THADA: variants seen among roughly 807,000 people sequenced by gnomAD.
THADA encodes the protein tRNA (32-2'-O)-methyltransferase regulator THADA.
In THADA, 213 loss-of-function variants were observed where a neutral mutation model predicts 219.8. The observed-to-expected ratio is 0.97, with a 90% CI of 0.87 to 1.09. The LOEUF (loss-of-function observed/expected upper bound fraction) is 1.09, where lower values mean the gene tolerates loss of function less well. Among genes scored for constraint, THADA ranks in the 50% least tolerant of loss-of-function variants. The pLI, the probability that THADA is intolerant of heterozygous loss-of-function variation, is 0.00. For missense variants in THADA, 2,956 were observed against 2,311.3 expected, an observed-to-expected ratio of 1.28 and a Z score of -5.72; for synonymous variants, 1,018 against 828.9, an observed-to-expected ratio of 1.23 and a Z score of -3.92.
At chr2:43,473,586 T>C (rs1394560937) in intron 26 of THADA, among the ~76,000 whole-genome samples, 1 of 152,086 alleles carries the variant, frequency 6.6e-6, no homozygotes, top group African/African-American at 2.4e-5. Context: ...GTGTCAAGTA[T>C]CACATTATGG....
rs1455925394 is a variant in THADA, at chr2:43,482,097, G to A, written c.3836+3137C>T. Among the ~76,000 whole-genome samples, 13 of 152,268 alleles carry A rather than the reference G, an allele frequency of 8.5e-5. No individual in the cohort carries two copies. In the East Asian group the frequency reaches 2.3e-3, roughly 27 times the overall value. On this transcript the variant is annotated intron_variant, in intron 26 of 37. Transcript: ENST00000405975. ...TTGCACAGGTTGCAGAGCTTTGCTG[G>A]TTCTGATTTTACATAAAATCAGTTC...
chr2:43,471,549 A>C (rs1442628010), intron 26 of THADA, among the ~76,000 whole-genome samples: 1 of 152,180 alleles, frequency 6.6e-6, no homozygotes, highest in Non-Finnish European at 1.5e-5. Context: ...AAATAAAGTA[A>C]TATAAAGAGT....
intron 12 of THADA, 129 bp from the exon 13 acceptor site, chr2:43,571,991 G>GA: frequency 1.3e-6 from 1 of 743,578 alleles, no homozygotes; most frequent in Non-Finnish European, 2.2e-6. Context: ...AGGTACCTCA[G>GA]AAAGGTTTCC....
intron 26 of THADA, among the ~76,000 whole-genome samples, chr2:43,478,545 G>A (rs1046276723): frequency 1.3e-5 from 2 of 152,126 alleles, no homozygotes; most frequent in African/African-American, 4.8e-5. Context: ...CATATAAAAT[G>A]TAAGCTACAA....
In THADA at chr2:43,400,476, T is replaced by TATATATATATAA. The variant is rs903186497; in HGVS notation, c.4059-2338_4059-2337insTTATATATATAT. On this transcript the variant is annotated intron_variant, in intron 28 of 37. Coordinates refer to ENST00000405975, the MANE Select transcript of THADA (RefSeq NM_022065.5). ...ACAAATTTATATATATATATATATA[T>TATATATATATAA]AAATATATACACTAAGAAAAAAAAT... 6.6e-4 allele frequency among the ~76,000 whole-genome samples: 95 copies of TATATATATATAA among 144,454 alleles called. 1 individual carries two copies. Among genetic ancestry groups the TATATATATATAA allele is most frequent in the African/African-American group, 2.4e-3 (93 of 39,414 alleles). 94.8% of individuals were successfully genotyped at this position (144,454 alleles called of 152,430 possible).
chr2:43,577,753 A>G (rs1700010813), intron 9 of THADA, among the ~76,000 whole-genome samples: 1 of 152,132 alleles, frequency 6.6e-6, no homozygotes, highest in Non-Finnish European at 1.5e-5. Context: ...TAAGAAGCAA[A>G]TTTACTGAAC....
chr2:43,393,180 C>T (rs1573432436), intron 29 of THADA, among the ~76,000 whole-genome samples: 1 of 152,164 alleles, frequency 6.6e-6, no homozygotes, highest in East Asian at 1.9e-4. Flanking sequence ...ATACCTTTCA[C>T]GGGTCGCAGC....
chr2:43,349,562 G>C (rs974253486), intron 29 of THADA, among the ~76,000 whole-genome samples: 1 of 152,124 alleles, frequency 6.6e-6, no homozygotes, highest in Non-Finnish European at 1.5e-5. Context: ...GCTGAGATGG[G>C]TTTTCCTCTT....
At chr2:43,562,738 T>A (rs984287174) in intron 15 of THADA, 9 of 152,230 alleles carry the variant, frequency 5.9e-5, no homozygotes, top group Admixed American at 3.3e-4. Flanking sequence ...TGTGAGCCTT[T>A]TGAATACTGA....
chr2:43,575,322 C>G (rs959730484), intron 10 of THADA, among the ~76,000 whole-genome samples: 1 of 152,162 alleles, frequency 6.6e-6, no homozygotes, highest in Non-Finnish European at 1.5e-5. Context: ...TGGTGACACA[C>G]ACCTACAGTC....
chr2:43,420,425 A>T (rs148192062), intron 28 of THADA, among the ~76,000 whole-genome samples: 1 of 152,246 alleles, frequency 6.6e-6, no homozygotes. Context: ...TTGGTTACTC[A>T]ATTAACTGAT....
chr2:43,496,062 A>G (rs1381545591), intron 25 of THADA, among the ~76,000 whole-genome samples: 1 of 152,192 alleles, frequency 6.6e-6, no homozygotes, highest in African/African-American at 2.4e-5. Flanking sequence ...CTTACTCTCA[A>G]TTAGAGGCTT....
chr2:43,298,118 C>A (rs1424673103), intron 31 of THADA, among the ~76,000 whole-genome samples: 4 of 93,724 alleles, frequency 4.3e-5, no homozygotes, highest in Non-Finnish European at 7.9e-5. Flanking sequence ...TCATTGAGAA[C>A]GGGCCAGGAT....
At chr2:43,417,037 C>CTTT (rs67993873) in intron 28 of THADA, among the ~76,000 whole-genome samples, 1,602 of 93,648 alleles carry the variant, frequency 0.017, 39 homozygotes, top group African/African-American at 0.032. Context: ...TGGCTGTTTT[C>CTTT]TTTTTTTTTT....
At chr2:43,592,085 A>G in intron 2 of THADA, 39 bp from the exon 3 acceptor site, 1 of 1,466,254 alleles carries the variant, frequency 6.8e-7, no homozygotes. Flanking sequence ...CAATGATTTA[A>G]CAGTGAGTTA....
At position 43,574,412 on chromosome 2, in the gene THADA, T is replaced by C. The variant is rs750921072; in HGVS notation, c.1653A>G (p.Pro551=). 1.2e-5 allele frequency: 19 copies of C among 1,610,362 alleles called. No individual in the cohort carries two copies. The highest frequency in any genetic ancestry group is 1.7e-5 in the Admixed American group (1 of 59,240). The change falls in exon 11 of 38, where the codon CCA becomes CCG. Residue 551 remains proline, a synonymous_variant. Transcript: ENST00000405975. ...QKSYVIDYYL[P]KLLSYSPESL... ...TTTCAGGGCTGTAACTTAATAATTTTGGCAAGTAATAATCAATCACGTAAG... is the reference window on the plus strand; with the variant it reads ...TTTCAGGGCTGTAACTTAATAATTTCGGCAAGTAATAATCAATCACGTAAG...
At chr2:43,594,953 C>A (rs566271669) in intron 1 of THADA, among the ~76,000 whole-genome samples, 1 of 152,214 alleles carries the variant, frequency 6.6e-6, no homozygotes, top group Non-Finnish European at 1.5e-5. Flanking sequence ...CCAGAAATTA[C>A]CCTAACTTGT....
At chr2:43,289,858 G>A (rs1674480103) in intron 34 of THADA, among the ~76,000 whole-genome samples, 2 of 151,792 alleles carry the variant, frequency 1.3e-5, no homozygotes, top group South Asian at 4.2e-4. Flanking sequence ...TTGCCATGTT[G>A]GCCAGGTTGG....
At chr2:43,528,126 CTTT>C (rs367822642) in intron 21 of THADA, 138 bp from the exon 22 acceptor site, 2,035 of 161,992 alleles carry the variant, frequency 0.013, no homozygotes, top group South Asian at 0.027. Flanking sequence ...ATGTTTTAAG[CTTT>C]TTTTTTTTTT....
Sources: gnomAD v4.1 joint callset for allele counts (sites outside exome capture counted in the v4.1 genomes callset) on GRCh38, gnomAD v4.1.1 for gene constraint, MANE v1.5 for transcripts, NCBI Gene and HGNC (gene_info 2026-07-23, HGNC 2026-07-21) for gene names.